The following CNTN4 variants were observed in gnomAD, a reference collection of about 807,000 sequenced individuals.
CNTN4 encodes the protein contactin-4.
Under a neutral mutation model 122.5 loss-of-function variants are expected in CNTN4, and 77 were observed. That is an observed-to-expected ratio of 0.63 (90% confidence interval 0.52 to 0.76). The LOEUF is 0.76. CNTN4 is among the 30% of genes least tolerant of loss of function. CNTN4 has a pLI of 0.00. For synonymous variants in CNTN4, 512 were observed against 447.0 expected, an observed-to-expected ratio of 1.15 and a Z score of -1.83; for missense variants, 1,256 against 1,259.1, an observed-to-expected ratio of 1.00 and a Z score of 0.04.
chr3:2,426,592 G>C (rs1357726500), intron 3 of CNTN4, among the ~76,000 whole-genome samples: 1 of 152,196 alleles, frequency 6.6e-6, no homozygotes, highest in African/African-American at 2.4e-5. Context: ...CATAAAATGA[G>C]TTAGGGAGGA....
At chr3:2,971,815 A>G (rs529940503) in intron 13 of CNTN4, among the ~76,000 whole-genome samples, 2 of 152,312 alleles carry the variant, frequency 1.3e-5, no homozygotes, top group South Asian at 2.1e-4. Flanking sequence ...CTTAACTGCA[A>G]TGTGACTATG....
chr3:2,998,886 A>T (rs1240480884), intron 14 of CNTN4, among the ~76,000 whole-genome samples: 1 of 152,202 alleles, frequency 6.6e-6, no homozygotes, highest in Non-Finnish European at 1.5e-5. Context: ...CTTCAGTAGA[A>T]ATTTTGCTTC....
intron 3 of CNTN4, among the ~76,000 whole-genome samples, chr3:2,342,887 A>G (rs776000412): frequency 1.3e-5 from 2 of 152,230 alleles, no homozygotes; most frequent in African/African-American, 2.4e-5. Flanking sequence ...AAAACTATAG[A>G]GACAGAAAGT....
At chr3:2,974,905 A>T (rs1048101919) in intron 13 of CNTN4, among the ~76,000 whole-genome samples, 17 of 152,178 alleles carry the variant, frequency 1.1e-4, no homozygotes, top group African/African-American at 3.9e-4. Context: ...TAAAATTAAA[A>T]CATTTTTTGT....
At chr3:2,648,343 G>T (rs192735681) in intron 4 of CNTN4, among the ~76,000 whole-genome samples, 67 of 152,174 alleles carry the variant, frequency 4.4e-4, no homozygotes, top group African/African-American at 1.4e-3. Context: ...GCAAACTGAA[G>T]GTTTGTGCCA....
chr3:3,043,050 C>A lies in CNTN4; in HGVS notation c.2585C>A (p.Thr862Lys), dbSNP rs1700308175. The A allele has an allele frequency of 6.2e-7, 1 of 1,614,088 alleles. No individual in the cohort carries two copies. The highest frequency in any genetic ancestry group is 2.2e-5 in the East Asian group (1 of 44,878). The change falls in exon 22 of 25, where the codon ACA becomes AAA. Residue 862 changes from threonine (T) to lysine (K), a missense_variant. Thr to Lys is a moderately conservative substitution (Grantham distance 78). Coordinates refer to ENST00000418658, the MANE Select transcript of CNTN4 (RefSeq NM_175607.3). The part of the protein sequence containing the change: ...KIRTVGNQTS[T>K]KITNLKGSVL... ...CGAACAGTTGGAAATCAGACATCAACAAAAATCACGAACTTAAAAGGCAGT... is the reference window on the plus strand; with the variant it reads ...CGAACAGTTGGAAATCAGACATCAAAAAAAATCACGAACTTAAAAGGCAGT...
chr3:2,136,442 T>C (rs1407454764), intron 2 of CNTN4, among the ~76,000 whole-genome samples: 2 of 152,224 alleles, frequency 1.3e-5, no homozygotes, highest in Non-Finnish European at 2.9e-5. Context: ...TATAGCCAAC[T>C]AATAACTAAT....
Position 3,043,114 on chromosome 3 carries a change from T to C in CNTN4, c.2649T>C (p.Ala883=). ...YHLAVKAYNS[A]GTGPSSATVN... is the part of the protein sequence containing the mutation. ...TAGCTGTCAAGGCATATAATTCTGC[T>C]GGGACAGGCCCCTCTAGTGCAACAG... The change falls in exon 22 of 25, where the codon GCT becomes GCC. Residue 883 remains alanine, a synonymous_variant. Coordinates refer to ENST00000418658, the MANE Select transcript of CNTN4 (RefSeq NM_175607.3). 6.2e-7 allele frequency: 1 copy of C among 1,614,198 alleles called. No individual in the cohort carries two copies. Among genetic ancestry groups the C allele is most frequent in the Non-Finnish European group, 8.5e-7 (1 of 1,180,038 alleles).
intron 4 of CNTN4, among the ~76,000 whole-genome samples, chr3:2,621,741 C>T (rs1290236817): frequency 6.6e-6 from 1 of 152,046 alleles, no homozygotes; most frequent in African/African-American, 2.4e-5. Context: ...ATGCATTTAA[C>T]TTGTACAGTT....
chr3:2,236,167 A>AGTCT (rs1259314176), intron 2 of CNTN4, among the ~76,000 whole-genome samples: 1 of 152,210 alleles, frequency 6.6e-6, no homozygotes, highest in Non-Finnish European at 1.5e-5. Flanking sequence ...GTTACAGGAT[A>AGTCT]GTCTCATTGG....
intron 6 of CNTN4, among the ~76,000 whole-genome samples, chr3:2,748,210 T>C (rs193297342): frequency 2.0e-5 from 3 of 152,376 alleles, no homozygotes; most frequent in Admixed American, 2.0e-4. Context: ...ATCTTCATTT[T>C]TAAGTACCAG....
At chr3:3,049,338 C>G (rs1443231252) in intron 23 of CNTN4, among the ~76,000 whole-genome samples, 8 of 152,232 alleles carry the variant, frequency 5.3e-5, no homozygotes, top group Admixed American at 5.2e-4. Context: ...CTGCCTCAGC[C>G]TCCCAAAGTG....
At chr3:2,933,599 GT>G (rs1302263227) in intron 13 of CNTN4, among the ~76,000 whole-genome samples, 1 of 152,146 alleles carries the variant, frequency 6.6e-6, no homozygotes, top group African/African-American at 2.4e-5. Flanking sequence ...TTTCACGCTA[GT>G]AAAGGCAAGT....
intron 2 of CNTN4, among the ~76,000 whole-genome samples, chr3:2,243,224 T>A (rs923383893): frequency 6.6e-6 from 1 of 152,172 alleles, no homozygotes; most frequent in East Asian, 1.9e-4. Flanking sequence ...CTTTGAAGAC[T>A]TCCCTGATTG....
At chr3:2,112,676 C>T (rs1368921285) in intron 2 of CNTN4, among the ~76,000 whole-genome samples, 1 of 152,112 alleles carries the variant, frequency 6.6e-6, no homozygotes, top group Non-Finnish European at 1.5e-5. Flanking sequence ...ATCATTAAAC[C>T]TCATTACTTA....
chr3:2,717,404 C>A (rs76318265), intron 4 of CNTN4, among the ~76,000 whole-genome samples: 5,783 of 152,162 alleles, frequency 0.038, 152 homozygotes, highest in Non-Finnish European at 0.056. Flanking sequence ...TAATAAGTGC[C>A]CTTGGCTGGC....
chr3:2,813,651 A>G (rs1190941826), intron 6 of CNTN4, among the ~76,000 whole-genome samples: 1 of 152,114 alleles, frequency 6.6e-6, no homozygotes, highest in Non-Finnish European at 1.5e-5. Flanking sequence ...TGGCTAGTCC[A>G]TTAATTATGA....
chr3:2,362,079 A>G (rs1286797047), intron 3 of CNTN4, among the ~76,000 whole-genome samples: 1 of 152,196 alleles, frequency 6.6e-6, no homozygotes, highest in Non-Finnish European at 1.5e-5. Flanking sequence ...CAGCATAGGC[A>G]TGAACTTGGT....
At chr3:2,815,608 A>G (rs997894448) in intron 6 of CNTN4, among the ~76,000 whole-genome samples, 1 of 151,600 alleles carries the variant, frequency 6.6e-6, no homozygotes, top group African/African-American at 2.4e-5. Flanking sequence ...GATGCAGTAA[A>G]CAGGGAACAC....
Sources: allele counts gnomAD v4.1 joint callset (sites outside exome capture counted in the v4.1 genomes callset), GRCh38; gene constraint gnomAD v4.1.1; transcripts MANE v1.5; gene names NCBI Gene and HGNC (gene_info 2026-07-23, HGNC 2026-07-21).